The following ZC3HAV1 variants were observed in gnomAD, a reference collection of about 807,000 sequenced individuals.
ZC3HAV1 encodes the protein zinc finger CCCH-type antiviral protein 1.
In ZC3HAV1, 41 loss-of-function variants were observed where a neutral mutation model predicts 86.6. The observed-to-expected ratio is 0.47, with a 90% CI of 0.37 to 0.61. The LOEUF is 0.61. Among genes scored for constraint, ZC3HAV1 ranks in the 20% least tolerant of loss-of-function variants. The probability of loss-of-function intolerance (pLI) is 0.00; values close to 1 mark genes in which losing one functional copy is unlikely to be tolerated. For synonymous variants in ZC3HAV1, 421 were observed against 432.1 expected (o/e 0.97, Z 0.32); for missense variants, 964 against 1,141.1 (o/e 0.84, Z 2.24).
Position 139,080,251 on chromosome 7 carries a change from GA to G in ZC3HAV1, c.698-9del, listed in dbSNP as rs111326037. 11,960 of 1,612,888 alleles carry G rather than the reference GA, an allele frequency of 7.4e-3. 731 individuals are homozygous for G. The African/African-American group carries it at 0.14, about 18-fold the overall frequency. ...TACGATGTGAAGAAGGAGCTAAGGG[GA>G]AAAAAAGCCAAAATGAAACAAAATA... On this transcript the variant is annotated splice_polypyrimidine_tract_variant and intron_variant, in intron 3 of 12. Coordinates refer to ENST00000242351, the MANE Select transcript of ZC3HAV1 (RefSeq NM_020119.4).
Position 139,053,291 on chromosome 7 carries a change from T to A in ZC3HAV1, c.2449+160A>T, listed in dbSNP as rs554245416. ...TCCAAGTCAACTGATTCACTCTCAT[T>A]TGGGCATTTGATATTACCGTGAGCT... On this transcript the variant is annotated intron_variant, in intron 12 of 12. Transcript: ENST00000242351. Among the ~76,000 whole-genome samples the A allele has an allele frequency of 6.6e-5, 10 of 152,288 alleles. No homozygotes were observed. The South Asian group carries it at 1.0e-3, about 16-fold the overall frequency.
intron 1 of ZC3HAV1, among the ~76,000 whole-genome samples, chr7:139,097,977 C>T (rs556019934): frequency 2.6e-5 from 4 of 152,034 alleles, no homozygotes; most frequent in African/African-American, 7.2e-5. Context: ...TGGAGTCTCA[C>T]GCTGTCGCCC....
At chr7:139,068,934 C>A (rs1263753667) in intron 7 of ZC3HAV1, among the ~76,000 whole-genome samples, 1 of 152,220 alleles carries the variant, frequency 6.6e-6, no homozygotes, top group African/African-American at 2.4e-5. Flanking sequence ...AGAGGTCACA[C>A]AACTGACTGA....
At chr7:139,106,747 T>A (rs1817946766) in intron 1 of ZC3HAV1, among the ~76,000 whole-genome samples, 1 of 152,144 alleles carries the variant, frequency 6.6e-6, no homozygotes, top group African/African-American at 2.4e-5. Flanking sequence ...TAATTTTTTT[T>A]ACAAAAATGT....
At position 139,071,929 on chromosome 7, in the gene ZC3HAV1, G is replaced by A. The variant is rs142458575; in HGVS notation, c.1872+1927C>T. Among the ~76,000 whole-genome samples, 795 of 152,330 alleles carry A rather than the reference G, an allele frequency of 5.2e-3. 3 individuals carry two copies. The highest frequency in any genetic ancestry group is 0.01 in the Middle Eastern group (3 of 294). Reference sequence around the variant, plus strand: ...GTTGAGGACCTCACCACAGCACACAGGGTTCCCGCCATGTGGCCCACTATA... The same window carrying A: ...GTTGAGGACCTCACCACAGCACACAAGGTTCCCGCCATGTGGCCCACTATA... On this transcript the variant is annotated intron_variant, in intron 7 of 12. Transcript: ENST00000242351.
At chr7:139,059,081 G>GAACGATTGT (rs1439739973) in intron 9 of ZC3HAV1, among the ~76,000 whole-genome samples, 3 of 152,174 alleles carry the variant, frequency 2.0e-5, no homozygotes, top group East Asian at 1.9e-4. Flanking sequence ...CATCCTGCCA[G>GAACGATTGT]AACGATTGTA....
chr7:139,061,966 C>T (rs1219748875), intron 8 of ZC3HAV1, among the ~76,000 whole-genome samples: 2 of 152,216 alleles, frequency 1.3e-5, no homozygotes, highest in East Asian at 3.9e-4. Flanking sequence ...AGAAGTCAGC[C>T]ACATGCAATG....
At chr7:139,102,728 TACACAC>T (rs113108708) in intron 1 of ZC3HAV1, among the ~76,000 whole-genome samples, 9,448 of 139,304 alleles carry the variant, frequency 0.068, 880 homozygotes, top group African/African-American at 0.18. Context: ...ACTGTCTCTA[TACACAC>T]ACACACACAC....
At chr7:139,073,826 G>C (rs1174764928) in intron 7 of ZC3HAV1, 30 bp downstream of exon 7, 2 of 1,571,104 alleles carry the variant, frequency 1.3e-6, no homozygotes, top group Non-Finnish European at 1.7e-6. Flanking sequence ...GTTTAAACAA[G>C]AGCCCCCTAC....
intron 12 of ZC3HAV1, among the ~76,000 whole-genome samples, chr7:139,050,473 C>T (rs1176349036): frequency 6.6e-6 from 1 of 152,014 alleles, no homozygotes; most frequent in Non-Finnish European, 1.5e-5. Context: ...GATCAATCAA[C>T]TCTCATGCCT....
chr7:139,085,711 C>T (rs1007752580), intron 2 of ZC3HAV1, among the ~76,000 whole-genome samples: 10 of 152,280 alleles, frequency 6.6e-5, no homozygotes, highest in Admixed American at 5.9e-4. Context: ...AAATCCAAAT[C>T]AGCCAGGCAC....
chr7:139,107,690 C>G (rs921302911), intron 1 of ZC3HAV1, among the ~76,000 whole-genome samples: 4 of 152,166 alleles, frequency 2.6e-5, no homozygotes, highest in Non-Finnish European at 4.4e-5. Context: ...GTAATCCCAG[C>G]TACTCGGGAG....
At position 139,047,623 on chromosome 7, in the gene ZC3HAV1, T is replaced by C. The variant is rs371565565; in HGVS notation, c.2680A>G (p.Thr894Ala). The change falls in exon 13 of 13, where the codon ACT becomes GCT. Residue 894 changes from threonine (T) to alanine (A), a missense_variant. Coordinates refer to ENST00000242351, the MANE Select transcript of ZC3HAV1 (RefSeq NM_020119.4). The stretch of plus-strand genomic sequence containing the variant: ...CTAATCACGCAGGCTTTGTCTTCAG[T>C]ATATTCAATCACATATTGTGGGTAA... Reference protein sequence around the residue: ...QVYPQYVIEYTEDKACVIS With the variant: ...QVYPQYVIEYAEDKACVIS 38 of 1,614,030 alleles carry C rather than the reference T, an allele frequency of 2.4e-5. No homozygotes were observed. The highest frequency in any genetic ancestry group is 2.8e-5 in the Non-Finnish European group (33 of 1,180,034).
chr7:139,083,700 T>G, intron 3 of ZC3HAV1, 80 bp downstream of exon 3: 1 of 1,478,726 alleles, frequency 6.8e-7, no homozygotes, highest in Non-Finnish European at 8.9e-7. Flanking sequence ...GTACTCCAGC[T>G]TGGGTGACAG....
chr7:139,065,471 A>G (rs756161663), intron 7 of ZC3HAV1, among the ~76,000 whole-genome samples: 7 of 152,302 alleles, frequency 4.6e-5, no homozygotes, highest in South Asian at 2.1e-4. Context: ...CCAAACTCCA[A>G]TAGTTGCAGT....
chr7:139,097,434 T>TATTTTA (rs1372507904), intron 1 of ZC3HAV1, among the ~76,000 whole-genome samples: 4 of 105,856 alleles, frequency 3.8e-5, no homozygotes, highest in African/African-American at 1.8e-4. Context: ...ATATATTTTT[T>TATTTTA]TTTTTTTTTT....
At chr7:139,101,485 C>G (rs1223620079) in intron 1 of ZC3HAV1, among the ~76,000 whole-genome samples, 7 of 107,666 alleles carry the variant, frequency 6.5e-5, no homozygotes, top group African/African-American at 1.5e-4. Flanking sequence ...AGCGCCTCAG[C>G]CCGGCCACCA....
In ZC3HAV1 at chr7:139,108,859, C is replaced by A. The variant is rs534949286; in HGVS notation, c.308+165G>T. Among the ~76,000 whole-genome samples, 7 of 152,342 alleles carry A rather than the reference C, an allele frequency of 4.6e-5. No individual in the cohort carries two copies. The highest frequency in any genetic ancestry group is 2.9e-5 in the Non-Finnish European group (2 of 68,026). On this transcript the variant is annotated intron_variant, in intron 1 of 12. Coordinates refer to ENST00000242351, the MANE Select transcript of ZC3HAV1 (RefSeq NM_020119.4). The surrounding 1 kb of genome is among the most constrained non-coding windows in gnomAD (Gnocchi z 4.2). ...GGAACTGCAAAGGTAGAAGCGCGGG[C>A]CCTGCAGAGGCTCCCAGAGGGGAGC... is the stretch of plus-strand genomic sequence containing the variant.
At chr7:139,049,752 T>C (rs189902638) in intron 12 of ZC3HAV1, 61 of 153,054 alleles carry the variant, frequency 4.0e-4, no homozygotes, top group Non-Finnish European at 1.5e-5. Flanking sequence ...TTCAATTCTT[T>C]TGGGGTCACA....
Sources: allele counts gnomAD v4.1 joint callset (sites outside exome capture counted in the v4.1 genomes callset), GRCh38; gene constraint gnomAD v4.1.1; non-coding constraint Gnocchi (gnomAD v3.1); transcripts MANE v1.5; gene names NCBI Gene and HGNC (gene_info 2026-07-23, HGNC 2026-07-21).